MGLL: variants seen among roughly 807,000 people sequenced by gnomAD.
MGLL encodes monoglyceride lipase, also known as lysophospholipase homolog.
MGLL carries 7 observed loss-of-function variants against 29.1 expected under a neutral mutation model. The observed-to-expected ratio is 0.24, with a 90% CI of 0.14 to 0.45. MGLL has a LOEUF of 0.45. Ranked by LOEUF, MGLL falls within the 20% of genes least tolerant of loss-of-function variation. MGLL has a pLI of 0.99. For synonymous variants in MGLL, 148 were observed against 168.3 expected, an observed-to-expected ratio of 0.88 and a Z score of 0.93; for missense variants, 356 against 413.6, an observed-to-expected ratio of 0.86 and a Z score of 1.21.
chr3:127,790,873 C>T (rs2077288101), intron 2 of MGLL, among the ~76,000 whole-genome samples: 1 of 152,130 alleles, frequency 6.6e-6, no homozygotes, highest in Non-Finnish European at 1.5e-5. Flanking sequence ...ATCCTTCTTC[C>T]GCTCACACTG....
intron 2 of MGLL, among the ~76,000 whole-genome samples, chr3:127,806,304 C>T (rs938160130): frequency 1.3e-5 from 2 of 152,234 alleles, no homozygotes; most frequent in African/African-American, 2.4e-5. Flanking sequence ...TTCTCTGTCA[C>T]CCAAGATCCA....
At chr3:127,721,988 G>C (rs1167029834) in intron 4 of MGLL, among the ~76,000 whole-genome samples, 1 of 152,210 alleles carries the variant, frequency 6.6e-6, no homozygotes, top group African/African-American at 2.4e-5. Context: ...GAAGGAGTTG[G>C]AATAAGCTTT....
rs564008425 is a variant in MGLL, at chr3:127,695,500, G to A, written c.601-310C>T. 1.6e-4 allele frequency among the ~76,000 whole-genome samples: 24 copies of A among 152,334 alleles called. No homozygotes were observed. In the South Asian group the frequency reaches 4.1e-3, roughly 26 times the overall value. On this transcript the variant is annotated intron_variant, in intron 6 of 7. Coordinates refer to ENST00000265052, the MANE Select transcript of MGLL (RefSeq NM_007283.7). ...AGAACTTTGGGAAGCTGAGGCGGGC[G>A]GATCACCTGAGGTCAGGAGTTCAAG... is the stretch of plus-strand genomic sequence containing the variant.
intron 2 of MGLL, 129 bp downstream of exon 2, chr3:127,821,565 A>G: frequency 2.0e-6 from 2 of 1,007,420 alleles, no homozygotes; most frequent in Non-Finnish European, 3.1e-6. Context: ...TCAGCCTAAC[A>G]TTAAAACGGC....
At chr3:127,822,589 C>T (rs1372704063), upstream of MGLL, 1 of 505,586 alleles carries the variant, frequency 2.0e-6, no homozygotes, top group African/African-American at 2.0e-5. Context: ...ATCACTTTTC[C>T]TAAACAAATC....
intron 3 of MGLL, among the ~76,000 whole-genome samples, chr3:127,776,063 C>A (rs2077031359): frequency 6.6e-6 from 1 of 152,212 alleles, no homozygotes; most frequent in African/African-American, 2.4e-5. Context: ...CTTCTGGTGT[C>A]CCCACCTGTT....
chr3:127,695,209 G>A lies in MGLL; in HGVS notation c.601-19C>T. The stretch of plus-strand genomic sequence containing the variant: ...TGTCGACCTGGAGGAAGAAGGAGAG[G>A]GTTCCATCAGCATGGGCAGGGCTCA... On this transcript the variant is annotated intron_variant, in intron 6 of 7. Coordinates refer to ENST00000265052, the MANE Select transcript of MGLL (RefSeq NM_007283.7). 5 of 1,608,148 alleles carry A rather than the reference G, an allele frequency of 3.1e-6. No individual in the cohort carries two copies. Among genetic ancestry groups the A allele is most frequent in the Middle Eastern group, 3.3e-4 (2 of 6,052 alleles).
At chr3:127,814,937 C>G (rs933185119) in intron 2 of MGLL, among the ~76,000 whole-genome samples, 1 of 152,166 alleles carries the variant, frequency 6.6e-6, no homozygotes, top group East Asian at 1.9e-4. Flanking sequence ...AAAGGTGCTA[C>G]TAAAATGCAA....
intron 2 of MGLL, among the ~76,000 whole-genome samples, chr3:127,806,523 T>TGGATGGATGGATGGAC (rs2077569069): frequency 6.6e-6 from 1 of 151,444 alleles, no homozygotes; most frequent in Non-Finnish European, 1.5e-5. Flanking sequence ...AATGGATGGA[T>TGGATGGATGGATGGAC]GGATGGATGG....
At chr3:127,785,563 A>G (rs1057010659) in intron 2 of MGLL, among the ~76,000 whole-genome samples, 1 of 152,248 alleles carries the variant, frequency 6.6e-6, no homozygotes, top group Non-Finnish European at 1.5e-5. Flanking sequence ...GGCTGTGAAC[A>G]GAGAGCAAAG....
At chr3:127,801,302 CAAAAAAAAAAA>C (rs1167832631) in intron 2 of MGLL, among the ~76,000 whole-genome samples, 1 of 55,054 alleles carries the variant, frequency 1.8e-5, no homozygotes, top group Non-Finnish European at 3.8e-5. Context: ...AACTCCATCT[CAAAAAAAAAAA>C]AAAAAAAGGA....
rs1173340864 is a variant in MGLL at position 127,756,367 on chromosome 3, T to A, written c.262+25422A>T. 2.0e-5 allele frequency among the ~76,000 whole-genome samples: 3 copies of A among 152,126 alleles called. No homozygotes were observed. The East Asian group carries it at 5.8e-4, about 29-fold the overall frequency. ...CATCTTTCCTATGCAAATTAACTGG[T>A]CCAGAGCCCACACCTCCACTCCAGG... On this transcript the variant is annotated intron_variant, in intron 3 of 7. Coordinates refer to ENST00000265052, the MANE Select transcript of MGLL (RefSeq NM_007283.7).
chr3:127,763,145 C>T (rs1383134012), intron 3 of MGLL, among the ~76,000 whole-genome samples: 2 of 152,166 alleles, frequency 1.3e-5, no homozygotes, highest in Non-Finnish European at 2.9e-5. Context: ...TCCTTATTAC[C>T]TAGGCAGGGT....
At chr3:127,795,852 C>T (rs931421083) in intron 2 of MGLL, among the ~76,000 whole-genome samples, 3 of 152,160 alleles carry the variant, frequency 2.0e-5, no homozygotes, top group African/African-American at 7.2e-5. Flanking sequence ...AAGGAAAAAG[C>T]AAAATCCATC....
intron 2 of MGLL, among the ~76,000 whole-genome samples, chr3:127,818,095 G>A (rs549753390): frequency 1.1e-3 from 169 of 152,334 alleles, no homozygotes; most frequent in African/African-American, 3.5e-3. Flanking sequence ...CGAGTAGCGG[G>A]GGCTACAGGC....
chr3:127,817,516 A>G (rs2077778686), intron 2 of MGLL, among the ~76,000 whole-genome samples: 2 of 152,140 alleles, frequency 1.3e-5, no homozygotes, highest in African/African-American at 2.4e-5. Flanking sequence ...GTAACCCTCT[A>G]CTCAGCACCT....
intron 3 of MGLL, among the ~76,000 whole-genome samples, chr3:127,750,210 C>T (rs1213928922): frequency 6.6e-6 from 1 of 152,096 alleles, no homozygotes; most frequent in African/African-American, 2.4e-5. Flanking sequence ...TCCCGTTCGT[C>T]TCCTGGTGTA....
chr3:127,742,238 AT>A (rs1233292946), intron 3 of MGLL, among the ~76,000 whole-genome samples: 1 of 152,194 alleles, frequency 6.6e-6, no homozygotes, highest in Non-Finnish European at 1.5e-5. Context: ...TCCTTATTAT[AT>A]AATAGGTGGC....
chr3:127,787,341 C>T (rs755360274), intron 2 of MGLL, among the ~76,000 whole-genome samples: 4 of 152,212 alleles, frequency 2.6e-5, no homozygotes, highest in Non-Finnish European at 5.9e-5. Context: ...ACTGCTCATC[C>T]ACAGAGTGGA....
Sources: gnomAD v4.1 joint callset for allele counts (sites outside exome capture counted in the v4.1 genomes callset) on GRCh38, gnomAD v4.1.1 for gene constraint, MANE v1.5 for transcripts, NCBI Gene and HGNC (gene_info 2026-07-23, HGNC 2026-07-21) for gene names.